The following HTR2C variants were observed in gnomAD, a reference collection of about 807,000 sequenced individuals.
HTR2C encodes 5-hydroxytryptamine receptor 2C.
HTR2C carries 5 observed loss-of-function variants against 21.0 expected under a neutral mutation model. The observed-to-expected ratio is 0.24, with a 90% CI of 0.12 to 0.50. The LOEUF (loss-of-function observed/expected upper bound fraction) is 0.50. Ranked by LOEUF, HTR2C falls within the 20% of genes least tolerant of loss-of-function variation. The pLI is 0.98. For missense variants in HTR2C, 271 were observed against 371.2 expected, an observed-to-expected ratio of 0.73 and a Z score of 2.22; for synonymous variants, 150 against 145.3, an observed-to-expected ratio of 1.03 and a Z score of -0.23.
At chrX:114,818,474 G>A (rs1267940854) in intron 4 of HTR2C, among the ~76,000 whole-genome samples, 1 of 111,967 alleles carries the variant, frequency 8.9e-6, no homozygotes, top group Non-Finnish European at 1.9e-5. Context: ...AGCTAAAGCA[G>A]ATACCTTTTG....
chrX:114,662,694 C>T (rs911452721), intron 2 of HTR2C, among the ~76,000 whole-genome samples: 1 of 111,743 alleles, frequency 8.9e-6, no homozygotes, highest in Non-Finnish European at 1.9e-5. Context: ...GATAATAATT[C>T]ATGTAGTGTT....
chrX:114,605,541 A>C (rs1556396545), intron 1 of HTR2C, among the ~76,000 whole-genome samples: 1 of 111,204 alleles, frequency 9.0e-6, no homozygotes, highest in Admixed American at 9.6e-5. Context: ...GACGTCAGGC[A>C]CCTCAGACCA....
intron 2 of HTR2C, among the ~76,000 whole-genome samples, chrX:114,661,220 C>T (rs1233471102): frequency 8.1e-5 from 9 of 110,918 alleles, no homozygotes; most frequent in Non-Finnish European, 1.5e-4. Flanking sequence ...TTTGGGAGGC[C>T]GAGAAGGGTG....
chrX:114,750,850 A>T (rs1556427877), intron 4 of HTR2C, among the ~76,000 whole-genome samples: 1 of 112,108 alleles, frequency 8.9e-6, no homozygotes, highest in East Asian at 2.8e-4. Flanking sequence ...AAGGTAGCAG[A>T]CACAATAAAA....
At chrX:114,657,843 A>T (rs1331826694) in intron 2 of HTR2C, among the ~76,000 whole-genome samples, 1 of 111,492 alleles carries the variant, frequency 9.0e-6, no homozygotes, top group Non-Finnish European at 1.9e-5. Flanking sequence ...CTCCTGAAGA[A>T]CAAGCCAATA....
At chrX:114,878,940 C>A (rs2147517296) in intron 5 of HTR2C, among the ~76,000 whole-genome samples, 1 of 110,526 alleles carries the variant, frequency 9.0e-6, no homozygotes, top group South Asian at 3.7e-4. Context: ...ATGCCATCGA[C>A]ACTTGAATAG....
intron 4 of HTR2C, among the ~76,000 whole-genome samples, chrX:114,842,985 T>G (rs1206475289): frequency 9.0e-6 from 1 of 111,622 alleles, no homozygotes; most frequent in Non-Finnish European, 1.9e-5. Flanking sequence ...TAGCAACAAC[T>G]TCAGGAAGGG....
intron 4 of HTR2C, among the ~76,000 whole-genome samples, chrX:114,840,717 A>C (rs1227758013): frequency 5.4e-5 from 6 of 111,969 alleles, no homozygotes; most frequent in Non-Finnish European, 1.1e-4. Context: ...CTGATGATTA[A>C]TCTAAGAAAA....
chrX:114,888,617 G>A (rs1188772833), intron 5 of HTR2C, among the ~76,000 whole-genome samples: 1 of 111,797 alleles, frequency 8.9e-6, no homozygotes, highest in African/African-American at 3.3e-5. Flanking sequence ...CATTGGGAAT[G>A]GGGAGGAACA....
chrX:114,696,403 A>G (rs1932277356), intron 2 of HTR2C, among the ~76,000 whole-genome samples: 1 of 111,680 alleles, frequency 9.0e-6, no homozygotes, highest in African/African-American at 3.2e-5. Context: ...CTTCAAATTT[A>G]CCGAGAAACG....
At chrX:114,609,031 T>C (rs1928602840) in intron 1 of HTR2C, among the ~76,000 whole-genome samples, 1 of 112,132 alleles carries the variant, frequency 8.9e-6, no homozygotes, top group African/African-American at 3.2e-5. Context: ...AGAGGATTTT[T>C]ATGAAATAAA....
chrX:114,612,946 T>C (rs1337112789), intron 1 of HTR2C, among the ~76,000 whole-genome samples: 2 of 101,326 alleles, frequency 2.0e-5, no homozygotes, highest in East Asian at 5.8e-4. Flanking sequence ...TTTTATTTTA[T>C]TTTTTTTTTG....
chrX:114,785,369 T>C (rs1387866113), intron 4 of HTR2C, among the ~76,000 whole-genome samples: 1 of 111,724 alleles, frequency 9.0e-6, no homozygotes, highest in East Asian at 2.8e-4. Context: ...CCTTAAAGAA[T>C]TAGAAAATTG....
At chrX:114,896,804 C>G (rs1178785891) in intron 5 of HTR2C, among the ~76,000 whole-genome samples, 3 of 111,677 alleles carry the variant, frequency 2.7e-5, no homozygotes, top group Non-Finnish European at 5.7e-5. Flanking sequence ...AAAATCTCTG[C>G]CTCGTAACTA....
At chrX:114,632,489 AAT>A (rs1929670285) in intron 2 of HTR2C, among the ~76,000 whole-genome samples, 1 of 112,120 alleles carries the variant, frequency 8.9e-6, no homozygotes, top group African/African-American at 3.2e-5. Flanking sequence ...ATCAGTTAAA[AAT>A]ATATATCTCA....
rs782251173 is a variant in HTR2C, at chrX:114,809,528, C to T, written c.350-38475C>T. Among the ~76,000 whole-genome samples, 104 of 108,889 alleles carry T rather than the reference C, an allele frequency of 9.6e-4. 2 individuals are homozygous for T. The South Asian group carries it at 0.033, about 35-fold the overall frequency. The allele number at this position is 108,889 out of a possible 115,157, so 94.6% of individuals were successfully genotyped here. A position where few individuals can be genotyped will look rare whatever the true frequency, so the allele number is the denominator to read the frequency against. On this transcript the variant is annotated intron_variant, in intron 4 of 5. Coordinates refer to ENST00000276198, the MANE Select transcript of HTR2C (RefSeq NM_000868.4). ...CCTCCCGAGTAGCCGGGCTTACAGG[C>T]GCCCGCCACCACGCCTGGCTAATTT...
intron 5 of HTR2C, among the ~76,000 whole-genome samples, chrX:114,894,583 T>C (rs1268193754): frequency 1.8e-5 from 2 of 111,722 alleles, no homozygotes; most frequent in Non-Finnish European, 3.8e-5. Context: ...TTCACAGATA[T>C]ATACATTTGT....
intron 2 of HTR2C, among the ~76,000 whole-genome samples, chrX:114,710,891 A>G (rs782482990): frequency 9.0e-6 from 1 of 111,479 alleles, no homozygotes; most frequent in African/African-American, 3.3e-5. Context: ...GAGGCTAATG[A>G]CTACGTTTCC....
intron 4 of HTR2C, among the ~76,000 whole-genome samples, chrX:114,778,437 C>A (rs1556439405): frequency 1.8e-5 from 2 of 110,312 alleles, no homozygotes; most frequent in Non-Finnish European, 1.9e-5. Flanking sequence ...AGTGATCAGG[C>A]AAATTATATT....
Sources: gnomAD v4.1 joint callset for allele counts (sites outside exome capture counted in the v4.1 genomes callset) on GRCh38, gnomAD v4.1.1 for gene constraint, MANE v1.5 for transcripts, NCBI Gene and HGNC (gene_info 2026-07-23, HGNC 2026-07-21) for gene names.